MPG: variants seen among roughly 807,000 people sequenced by gnomAD.
The protein encoded by MPG is N-methylpurine DNA glycosylase, also known as DNA-3-methyladenine glycosylase.
MPG carries 33 observed loss-of-function variants against 31.7 expected under a neutral mutation model. The ratio of observed to expected loss-of-function variants is 1.04; its 90% CI spans 0.79 to 1.39. The LOEUF is 1.39. Among genes scored for constraint, MPG ranks in the 40% most tolerant of loss-of-function variants. The pLI is 0.00. For synonymous variants in MPG, 202 were observed against 169.2 expected (o/e 1.19, Z -1.51); for missense variants, 455 against 415.5 (o/e 1.10, Z -0.83).
chr16:78,246 G>A lies in MPG; in HGVS notation c.-64G>A, dbSNP rs1898143556. ...CCCCGGTCCTAGGGGTGCTTCCGTG[G>A]TCGGCGGCTGCTGGGCTCCGCGCCG... On this transcript the variant is annotated 5_prime_UTR_variant, in exon 1 of 4. Transcript: ENST00000356432. The A allele has an allele frequency of 2.2e-6, 3 of 1,361,412 alleles. No homozygotes were observed. The highest frequency in any genetic ancestry group is 1.5e-5 in the South Asian group (1 of 64,564). The allele number at this position is 1,361,412 out of a possible 1,614,324, so 84.3% of individuals were successfully genotyped here. A position where few individuals can be genotyped will look rare whatever the true frequency, so the allele number is the denominator to read the frequency against.
At chr16:79,793 A>G in intron 2 of MPG, 93 bp downstream of exon 2, 3 of 1,385,768 alleles carry the variant, frequency 2.2e-6, no homozygotes, top group Non-Finnish European at 2.9e-6. Flanking sequence ...ATTGGCCCTC[A>G]GTTAGTCCTC....
chr16:79,410 T>A lies in MPG; in HGVS notation c.25-15T>A, dbSNP rs1418202415. Reference sequence around the variant, plus strand: ...CTCCTATTCGGATGCTTATTTATTTTTTTTCCCATTACAGTTTTGCCGACG... The same window carrying A: ...CTCCTATTCGGATGCTTATTTATTTATTTTCCCATTACAGTTTTGCCGACG... On this transcript the variant is annotated splice_polypyrimidine_tract_variant and intron_variant, in intron 1 of 3. Coordinates refer to ENST00000356432, the MANE Select transcript of MPG (RefSeq NM_001015052.3). 6.2e-7 allele frequency: 1 copy of A among 1,613,502 alleles called. No homozygotes were observed. The highest frequency in any genetic ancestry group is 1.7e-5 in the Admixed American group (1 of 60,024).
chr16:79,523 C>T lies in MPG; in HGVS notation c.123C>T (p.His41=). Residue 41 remains histidine (H), a synonymous_variant, in exon 2 of 4, where the codon CAC becomes CAT. Transcript: ENST00000356432. The part of the protein sequence containing the change: ...DAAQAPAEQP[H]SSSDAAQAPC... ...CCCAGGCACCTGCAGAGCAGCCACA[C>T]AGCTCGTCCGATGCAGCCCAGGCAC... 6.2e-7 allele frequency: 1 copy of T among 1,613,014 alleles called. No individual in the cohort carries two copies. Among genetic ancestry groups the T allele is most frequent in the Non-Finnish European group, 8.5e-7 (1 of 1,179,972 alleles).
chr16:79,615 C>G lies in MPG; in HGVS notation c.215C>G (p.Ser72Ter). Residue 72 changes from serine (S) to a stop codon, truncating the protein, a stop_gained, in exon 2 of 4, where the codon TCA (serine) becomes TGA (stop). Coordinates refer to ENST00000356432, the MANE Select transcript of MPG (RefSeq NM_001015052.3). LOFTEE classifies it high-confidence loss of function. Reference sequence around the variant, plus strand: ...GGCCCATACCGCAGCATCTATTTCTCAAGCCCAAAGGGCCACCTTACCCGA... The same window carrying G: ...GGCCCATACCGCAGCATCTATTTCTGAAGCCCAAAGGGCCACCTTACCCGA... ...TPGPYRSIYF[S>*]SPKGHLTRLG... 6.3e-7 allele frequency: 1 copy of G among 1,599,186 alleles called. No homozygotes were observed. The highest frequency in any genetic ancestry group is 1.3e-5 in the African/African-American group (1 of 74,724).
chr16:82,688 G>A (rs947938112), intron 2 of MPG, among the ~76,000 whole-genome samples: 2 of 152,192 alleles, frequency 1.3e-5, no homozygotes, highest in Non-Finnish European at 2.9e-5. Flanking sequence ...AATGCTGATG[G>A]TTTTCTCAAG....
chr16:83,043 T>G lies in MPG; in HGVS notation c.301-9T>G, dbSNP rs769405095. The G allele has an allele frequency of 6.3e-6, 10 of 1,578,430 alleles. No individual in the cohort carries two copies. In the Admixed American group the frequency reaches 1.6e-4, roughly 25 times the overall value. On this transcript the variant is annotated splice_polypyrimidine_tract_variant and intron_variant, in intron 2 of 3. Transcript: ENST00000356432. ...CTTCCCGCCCTGAGCAGAAACTGAC[T>G]GCCCACAGGTCCTAGTCCGGCGACT...
At chr16:78,173 GC>G, upstream of MPG, 1 of 711,544 alleles carries the variant, frequency 1.4e-6, no homozygotes, top group African/African-American at 1.9e-5. Context: ...GGCGCTCACT[GC>G]CCCCCTTCTC....
At chr16:79,279 T>C (rs1170820098) in intron 1 of MPG, 146 bp from the exon 2 acceptor site, 3 of 1,571,516 alleles carry the variant, frequency 1.9e-6, no homozygotes, top group East Asian at 2.3e-5. Context: ...TTGTGCCTCA[T>C]AACAACCCAC....
chr16:85,359 G>A, intron 3 of MPG, 42 bp from the exon 4 acceptor site: 1 of 1,549,520 alleles, frequency 6.5e-7, no homozygotes, highest in South Asian at 1.2e-5. Context: ...AGAGAGGACA[G>A]GAGCCTAGGG....
intron 1 of MPG, chr16:79,092 G>A: frequency 6.9e-7 from 1 of 1,444,832 alleles, no homozygotes; most frequent in Non-Finnish European, 9.1e-7. Flanking sequence ...GGAATCGGAG[G>A]GCACCAGCCC....
At chr16:81,304 C>G (rs1454237281) in intron 2 of MPG, among the ~76,000 whole-genome samples, 1 of 152,162 alleles carries the variant, frequency 6.6e-6, no homozygotes, top group African/African-American at 2.4e-5. Context: ...AAATCCTGAT[C>G]AGAAATTTGG....
rs555308385 is a variant in MPG, at chr16:85,744, C to G, written c.849C>G (p.Val283=). 12 of 1,514,228 alleles carry G rather than the reference C, an allele frequency of 7.9e-6. No homozygotes were observed. Among genetic ancestry groups the G allele is most frequent in the Non-Finnish European group, 1.1e-5 (12 of 1,130,318 alleles). The allele number at this position is 1,514,228 out of a possible 1,614,324, so 93.8% of individuals were successfully genotyped here. Residue 283 remains valine, a synonymous_variant, in exon 4 of 4, where the codon GTC becomes GTG. Transcript: ENST00000356432. ...GGGGCAGCCCCTGGGTCAGTGTGGTCGACAGAGTGGCTGAGCAGGACACAC... is the reference window on the plus strand; with the variant it reads ...GGGGCAGCCCCTGGGTCAGTGTGGTGGACAGAGTGGCTGAGCAGGACACAC... The part of the protein sequence containing the change: ...YVRGSPWVSV[V]DRVAEQDTQA
At chr16:80,934 C>T (rs1898221711) in intron 2 of MPG, among the ~76,000 whole-genome samples, 1 of 152,234 alleles carries the variant, frequency 6.6e-6, no homozygotes, top group African/African-American at 2.4e-5. Context: ...TGTCTCTATT[C>T]AGCATCCTTG....
At position 79,667 on chromosome 16, in the gene MPG, G is replaced by T; in HGVS notation, c.267G>T (p.Pro89=). The change falls in exon 2 of 4, where the codon CCG becomes CCT. Residue 89 remains proline (P), a synonymous_variant. Coordinates refer to ENST00000356432, the MANE Select transcript of MPG (RefSeq NM_001015052.3). The part of the protein sequence containing the change: ...TRLGLEFFDQ[P]AVPLARAFLG... ...TGGGGTTGGAGTTCTTCGACCAGCC[G>T]GCAGTCCCCCTGGCCCGGGCATTTC... The T allele has an allele frequency of 6.4e-7, 1 of 1,568,086 alleles. No homozygotes were observed. Among genetic ancestry groups the T allele is most frequent in the Admixed American group, 1.9e-5 (1 of 53,228 alleles).
chr16:79,488 T>C lies in MPG; in HGVS notation c.88T>C (p.Ser30Pro). ...TAGAGCAGGGCAGCCACACAGCTCG[T>C]CCGACGCAGCCCAGGCACCTGCAGA... ...PARAGQPHSSSDAAQAPAEQP... is the reference protein window; with the variant it reads ...PARAGQPHSSPDAAQAPAEQP... The change falls in exon 2 of 4, where the codon TCC (serine) becomes CCC (proline). Residue 30 changes from serine (S) to proline (P), a missense_variant. Coordinates refer to ENST00000356432, the MANE Select transcript of MPG (RefSeq NM_001015052.3). 1 of 1,612,764 alleles carries C rather than the reference T, an allele frequency of 6.2e-7. No homozygotes were observed. The highest frequency in any genetic ancestry group is 1.1e-5 in the South Asian group (1 of 91,058).
At chr16:83,894 G>A (rs377146729) in intron 3 of MPG, among the ~76,000 whole-genome samples, 155 of 152,332 alleles carry the variant, frequency 1.0e-3, no homozygotes, top group African/African-American at 3.5e-3. Context: ...TAAGAGCAGC[G>A]TGGTCAGGTT....
intron 3 of MPG, among the ~76,000 whole-genome samples, chr16:84,907 G>A (rs1358380907): frequency 6.6e-6 from 1 of 152,208 alleles, no homozygotes; most frequent in Non-Finnish European, 1.5e-5. Flanking sequence ...GGGTGAGGCA[G>A]AAGGGGAGCG....
At chr16:77,116 G>GGCA (rs1898109326), upstream of MPG, 1 of 152,322 alleles carries the variant, frequency 6.6e-6, no homozygotes, top group South Asian at 2.1e-4. Flanking sequence ...GCTCTTCAAG[G>GGCA]CCTTTTCAGG....
upstream of MPG, among the ~76,000 whole-genome samples, chr16:77,279 C>A (rs1596481736): frequency 1.3e-5 from 2 of 152,256 alleles, no homozygotes; most frequent in Admixed American, 1.3e-4. Flanking sequence ...TGGCCAGAAG[C>A]GGGGGATGGC....
Sources: allele counts gnomAD v4.1 joint callset (sites outside exome capture counted in the v4.1 genomes callset), GRCh38; gene constraint gnomAD v4.1.1; transcripts MANE v1.5; gene names NCBI Gene and HGNC (gene_info 2026-07-23, HGNC 2026-07-21).